The following SLC24A4 variants were observed in gnomAD, a reference collection of about 807,000 sequenced individuals.
SLC24A4 encodes sodium/potassium/calcium exchanger 4.
In SLC24A4, 53 loss-of-function variants were observed where a neutral mutation model predicts 79.0. The ratio of observed to expected loss-of-function variants is 0.67; its 90% confidence interval spans 0.54 to 0.84. The LOEUF (loss-of-function observed/expected upper bound fraction) is 0.84, where lower values mean the gene tolerates loss of function less well. Ranked by LOEUF, SLC24A4 falls within the 40% of genes least tolerant of loss-of-function variation. SLC24A4 has a pLI of 0.00. For missense variants in SLC24A4, 731 were observed against 822.0 expected, an observed-to-expected ratio of 0.89 and a Z score of 1.35; for synonymous variants, 323 against 323.8, an observed-to-expected ratio of 1.00 and a Z score of 0.03.
intron 14 of SLC24A4, among the ~76,000 whole-genome samples, chr14:92,487,985 C>CCTCCTCCTCCTCTCG (rs1895466606): frequency 6.9e-6 from 1 of 145,292 alleles, no homozygotes; most frequent in Non-Finnish European, 1.5e-5. Flanking sequence ...TGCTCCTCCT[C>CCTCCTCCTCCTCTCG]CTCCTCCTCC....
chr14:92,335,188 C>T (rs1253187771), intron 2 of SLC24A4, among the ~76,000 whole-genome samples: 1 of 152,114 alleles, frequency 6.6e-6, no homozygotes, highest in Non-Finnish European at 1.5e-5. Flanking sequence ...TCCTCTGTTA[C>T]CCCTCCATCC....
At chr14:92,433,270 G>T (rs559270368) in intron 2 of SLC24A4, among the ~76,000 whole-genome samples, 1 of 152,364 alleles carries the variant, frequency 6.6e-6, no homozygotes, top group African/African-American at 2.4e-5. Context: ...TGGCAGGTGA[G>T]AAGGGATTAT....
At chr14:92,396,746 T>C (rs1462742480) in intron 2 of SLC24A4, among the ~76,000 whole-genome samples, 1 of 152,252 alleles carries the variant, frequency 6.6e-6, no homozygotes, top group African/African-American at 2.4e-5. Flanking sequence ...ATCTACTCTC[T>C]TCTTTTCTGT....
intron 2 of SLC24A4, among the ~76,000 whole-genome samples, chr14:92,423,744 C>A (rs1891415665): frequency 6.6e-6 from 1 of 152,194 alleles, no homozygotes; most frequent in African/African-American, 2.4e-5. Context: ...GGCTTCACAG[C>A]AGGGAAGAAA....
intron 9 of SLC24A4, among the ~76,000 whole-genome samples, chr14:92,448,360 A>ACACACACACACG (rs1555371198): frequency 6.6e-6 from 1 of 151,070 alleles, no homozygotes; most frequent in African/African-American, 2.5e-5. Context: ...ACACACACAC[A>ACACACACACACG]CACACACACA....
intron 2 of SLC24A4, among the ~76,000 whole-genome samples, chr14:92,415,968 A>T (rs59494566): frequency 0.098 from 14,869 of 152,006 alleles, 1,251 homozygotes; most frequent in African/African-American, 0.21. Context: ...TGCCTTTGCA[A>T]CCTCATAGTT....
chr14:92,343,326 T>C (rs1886274642), intron 2 of SLC24A4, among the ~76,000 whole-genome samples: 1 of 152,222 alleles, frequency 6.6e-6, no homozygotes, highest in Non-Finnish European at 1.5e-5. Flanking sequence ...TGTAAAATTA[T>C]AGTACCCCGA....
intron 2 of SLC24A4, among the ~76,000 whole-genome samples, chr14:92,362,292 T>C (rs12890597): frequency 0.31 from 46,420 of 151,874 alleles, 8,838 homozygotes; most frequent in South Asian, 0.42. Flanking sequence ...ATTTCCAAGA[T>C]GCCTGAATGG....
chr14:92,364,591 A>T (rs1887718432), intron 2 of SLC24A4, among the ~76,000 whole-genome samples: 1 of 152,322 alleles, frequency 6.6e-6, no homozygotes, highest in East Asian at 1.9e-4. Flanking sequence ...AGCCCAGTGG[A>T]AAATGGCCTT....
intron 2 of SLC24A4, among the ~76,000 whole-genome samples, chr14:92,402,648 A>T (rs1890176186): frequency 1.3e-5 from 2 of 152,122 alleles, no homozygotes; most frequent in Non-Finnish European, 1.5e-5. Flanking sequence ...GGGAAGCCTC[A>T]TAATCATGGC....
chr14:92,452,949 G>C (rs1479503154), intron 10 of SLC24A4: 1 of 152,246 alleles, frequency 6.6e-6, no homozygotes, highest in Non-Finnish European at 1.5e-5. Context: ...CCAGGAGCTG[G>C]TAACCAGTGC....
intron 8 of SLC24A4, among the ~76,000 whole-genome samples, chr14:92,446,701 AGTGGGCTTTGGTTTATAT>A (rs779593979): frequency 2.6e-5 from 4 of 152,238 alleles, no homozygotes; most frequent in African/African-American, 4.8e-5. Flanking sequence ...CTGGACACAT[AGTGGGCTTTGGTTTATAT>A]GTGTCAAGTG....
chr14:92,421,942 A>G (rs1891305921), intron 2 of SLC24A4, among the ~76,000 whole-genome samples: 1 of 152,212 alleles, frequency 6.6e-6, no homozygotes, highest in Admixed American at 6.5e-5. Context: ...ACCCGCCATA[A>G]CCACTATAAT....
chr14:92,381,793 C>A (rs1247305338), intron 2 of SLC24A4, among the ~76,000 whole-genome samples: 1 of 151,986 alleles, frequency 6.6e-6, no homozygotes, highest in Non-Finnish European at 1.5e-5. Context: ...GCTGTCAGGT[C>A]CCCCTCCTCT....
chr14:92,440,762 A>ATC lies in SLC24A4; in HGVS notation c.394-1321_394-1320dup, dbSNP rs776224816. On this transcript the variant is annotated intron_variant, in intron 4 of 16. Coordinates refer to ENST00000532405, the MANE Select transcript of SLC24A4 (RefSeq NM_153646.4). The stretch of plus-strand genomic sequence containing the variant: ...GGGGAGCCAAAGGGAGAGGGGGAGC[A>ATC]TCTCTCTTGGGGGAGAAATCTGGGA... Among the ~76,000 whole-genome samples the ATC allele has an allele frequency of 6.1e-4, 93 of 151,940 alleles. 1 individual carries two copies. The highest frequency in any genetic ancestry group is 1.2e-3 in the Non-Finnish European group (79 of 67,946).
intron 12 of SLC24A4, among the ~76,000 whole-genome samples, chr14:92,458,281 C>T (rs1042078597): frequency 6.6e-6 from 1 of 152,206 alleles, no homozygotes; most frequent in African/African-American, 2.4e-5. Context: ...AAATGTGTTC[C>T]CTGACTGGGG....
intron 12 of SLC24A4, among the ~76,000 whole-genome samples, chr14:92,479,235 G>A (rs1453110296): frequency 6.6e-6 from 1 of 152,068 alleles, no homozygotes; most frequent in African/African-American, 2.4e-5. Context: ...TGTTGAAGGA[G>A]TAAGAGCAGA....
intron 2 of SLC24A4, among the ~76,000 whole-genome samples, chr14:92,384,776 G>C (rs1889057087): frequency 6.6e-6 from 1 of 152,172 alleles, no homozygotes; most frequent in South Asian, 2.1e-4. Context: ...GAGGGATCTG[G>C]CTTCTCTCTA....
At chr14:92,463,117 C>G (rs1893907304) in intron 12 of SLC24A4, among the ~76,000 whole-genome samples, 1 of 152,144 alleles carries the variant, frequency 6.6e-6, no homozygotes, top group African/African-American at 2.4e-5. Flanking sequence ...ACCCAGCCTT[C>G]TCTTCTGTTA....
Sources: gnomAD v4.1 joint callset for allele counts (sites outside exome capture counted in the v4.1 genomes callset) on GRCh38, gnomAD v4.1.1 for gene constraint, MANE v1.5 for transcripts, NCBI Gene and HGNC (gene_info 2026-07-23, HGNC 2026-07-21) for gene names.